CCL24: variants seen among roughly 807,000 people sequenced by gnomAD.
The protein encoded by CCL24 is C-C motif chemokine ligand 24.
In CCL24, 6 loss-of-function variants were observed where a neutral mutation model predicts 8.6. The ratio of observed to expected loss-of-function variants is 0.70; its 90% CI spans 0.38 to 1.38. CCL24 has a LOEUF of 1.38. CCL24 is among the 40% of genes most tolerant of loss of function. The probability of loss-of-function intolerance (pLI) is 0.02; values close to 1 mark genes in which losing one functional copy is unlikely to be tolerated. For missense variants in CCL24, 126 were observed against 147.1 expected (o/e 0.86, Z 0.74); for synonymous variants, 59 against 52.7 (o/e 1.12, Z -0.52).
chr7:75,811,768 A>G lies in CCL24; in HGVS notation c.*28T>C. 6.2e-7 allele frequency: 1 copy of G among 1,601,816 alleles called. No individual in the cohort carries two copies. Among genetic ancestry groups the G allele is most frequent in the Non-Finnish European group, 8.5e-7 (1 of 1,173,364 alleles). ...TAGCCCGCCAAGCAGCTCAGGCCCAAACTCAGGGCTGGAGGGCTGGGCGGG... is the reference window on the plus strand; with the variant it reads ...TAGCCCGCCAAGCAGCTCAGGCCCAGACTCAGGGCTGGAGGGCTGGGCGGG... On this transcript the variant is annotated 3_prime_UTR_variant, in exon 3 of 3. Transcript: ENST00000222902.
At chr7:75,822,157 C>G (rs959696515) in intron 1 of CCL24, among the ~76,000 whole-genome samples, 1 of 152,008 alleles carries the variant, frequency 6.6e-6, no homozygotes, top group African/African-American at 2.4e-5. Context: ...TCACCTGTCC[C>G]GACACTTTGT....
upstream of CCL24, among the ~76,000 whole-genome samples, chr7:75,818,619 A>G (rs1554534505): frequency 6.6e-6 from 1 of 151,088 alleles, no homozygotes; most frequent in African/African-American, 2.4e-5. Flanking sequence ...CTTTAAAAAA[A>G]AAAAAAAAAT....
In CCL24 at chr7:75,811,851, G is replaced by T. The variant is rs1056665833; in HGVS notation, c.305C>A (p.Ala102Glu). 4 of 1,613,056 alleles carry T rather than the reference G, an allele frequency of 2.5e-6. No individual in the cohort carries two copies. In the African/African-American group the frequency reaches 4.0e-5, roughly 16 times the overall value. The change falls in exon 3 of 3, where the codon GCA becomes GAA. Residue 102 changes from alanine (A) to glutamate (E), a missense_variant. Physicochemically the swap from Ala to Glu is moderately radical, Grantham distance 107 (BLOSUM62 -1). Coordinates refer to ENST00000222902, the MANE Select transcript of CCL24 (RefSeq NM_002991.3). ...CTGGACAGGGCCCTTGACAGCCACT[G>T]CCCTGGCCCTAGGGGAAGCCTTCTT... ...KQKKASPRAR[A>E]VAVKGPVQRY...
intron 2 of CCL24, 105 bp downstream of exon 2, chr7:75,813,201 C>G (rs1803811732): frequency 1.5e-6 from 1 of 665,886 alleles, no homozygotes; most frequent in South Asian, 1.7e-5. Flanking sequence ...GGTGACTTCT[C>G]CAGGGATGCA....
intron 1 of CCL24, among the ~76,000 whole-genome samples, chr7:75,820,777 A>T (rs1804030182): frequency 6.8e-6 from 1 of 147,868 alleles, no homozygotes; most frequent in Non-Finnish European, 1.5e-5. Flanking sequence ...CCATCCATTC[A>T]CCCACCCATC....
chr7:75,816,792 C>G (rs1156330008), upstream of CCL24, among the ~76,000 whole-genome samples: 3 of 150,586 alleles, frequency 2.0e-5, no homozygotes, highest in Non-Finnish European at 4.4e-5. Context: ...GAACTCCTGA[C>G]CTCAGGTAAT....
intron 1 of CCL24, among the ~76,000 whole-genome samples, chr7:75,819,268 CAAAAAAAAAAAAAAAAAAA>C (rs1177321755): frequency 2.4e-4 from 5 of 20,500 alleles, no homozygotes; most frequent in South Asian, 2.1e-3. Flanking sequence ...AACTCCGTCT[CAAAAAAAAAAAAAAAAAAA>C]AAAAAAAAAA....
chr7:75,822,552 G>A (rs1804071804), intron 1 of CCL24, among the ~76,000 whole-genome samples: 1 of 152,174 alleles, frequency 6.6e-6, no homozygotes, highest in Admixed American at 6.6e-5. Context: ...CTGAGGTTCA[G>A]GCTGGGCATG....
chr7:75,819,542 C>T (rs1244485116), intron 1 of CCL24, among the ~76,000 whole-genome samples: 3 of 150,476 alleles, frequency 2.0e-5, no homozygotes, highest in South Asian at 2.1e-4. Flanking sequence ...GCAGGAGGAT[C>T]GCTTGAACCC....
At chr7:75,819,977 GA>G (rs1261454258) in intron 1 of CCL24, among the ~76,000 whole-genome samples, 2 of 151,534 alleles carry the variant, frequency 1.3e-5, no homozygotes, top group Non-Finnish European at 2.9e-5. Flanking sequence ...TGTGATTCTA[GA>G]ATCCTAGAAA....
intron 1 of CCL24, among the ~76,000 whole-genome samples, chr7:75,820,330 C>A (rs1554534925): frequency 2.6e-5 from 4 of 151,944 alleles, no homozygotes; most frequent in Non-Finnish European, 5.9e-5. Context: ...AGGCGCACGC[C>A]ACCACACCCA....
upstream of CCL24, among the ~76,000 whole-genome samples, chr7:75,815,493 G>T (rs538650348): frequency 3.9e-5 from 6 of 151,944 alleles, no homozygotes; most frequent in African/African-American, 9.6e-5. Flanking sequence ...AAAATAAAAA[G>T]AAAACAAAAA....
upstream of CCL24, among the ~76,000 whole-genome samples, chr7:75,815,576 G>T (rs1296499630): frequency 3.3e-5 from 5 of 152,178 alleles, no homozygotes; most frequent in African/African-American, 9.6e-5. Context: ...GCTGCACTGA[G>T]GTTGGAGGAC....
At chr7:75,822,882 T>C (rs1361821282) in intron 1 of CCL24, among the ~76,000 whole-genome samples, 1 of 152,102 alleles carries the variant, frequency 6.6e-6, no homozygotes, top group Non-Finnish European at 1.5e-5. Flanking sequence ...AATGACTTGC[T>C]CAAGACTCCT....
chr7:75,814,665 C>T (rs1331236013), upstream of CCL24, among the ~76,000 whole-genome samples: 1 of 149,412 alleles, frequency 6.7e-6, no homozygotes, highest in Admixed American at 6.7e-5. Flanking sequence ...CTCTCGGTGG[C>T]CTTGAAGTCC....
chr7:75,817,905 A>G (rs1803926178), upstream of CCL24, among the ~76,000 whole-genome samples: 3 of 151,636 alleles, frequency 2.0e-5, no homozygotes. Flanking sequence ...ATCTTGGCTC[A>G]CTACAACCTC....
In CCL24 at chr7:75,811,529, C is replaced by T; in HGVS notation, c.*267G>A. 1 of 357,210 alleles carries T rather than the reference C, an allele frequency of 2.8e-6. No individual in the cohort carries two copies. Among genetic ancestry groups the T allele is most frequent in the Middle Eastern group, 7.7e-4 (1 of 1,292 alleles). 22.1% of individuals were successfully genotyped at this position (357,210 alleles called of 1,614,324 possible). On this transcript the variant is annotated 3_prime_UTR_variant, in exon 3 of 3. Transcript: ENST00000222902. ...TCAGAACCAGGTCAGGAGGAGAAGG[C>T]AAAGAGTTGCCACTGCTCTCCTTCT... is the stretch of plus-strand genomic sequence containing the variant.
Position 75,811,121 on chromosome 7 carries a change from C to T in CCL24, c.*675G>A, listed in dbSNP as rs1803746136. 6.6e-6 allele frequency among the ~76,000 whole-genome samples: 1 copy of T among 151,538 alleles called. No individual in the cohort carries two copies. Among genetic ancestry groups the T allele is most frequent in the Non-Finnish European group, 1.5e-5 (1 of 67,924 alleles). Reference sequence around the variant, plus strand: ...TTAAACTACCCAGGCTGGCCCTTCACCCCAGTCCTCCACGTTCATTTCCTT... The same window carrying T: ...TTAAACTACCCAGGCTGGCCCTTCATCCCAGTCCTCCACGTTCATTTCCTT... On this transcript the variant is annotated 3_prime_UTR_variant, in exon 3 of 3. Transcript: ENST00000222902.
chr7:75,818,910 C>T (rs908507750), intron 1 of CCL24, among the ~76,000 whole-genome samples: 2 of 151,782 alleles, frequency 1.3e-5, no homozygotes, highest in South Asian at 4.2e-4. Flanking sequence ...GTTATGGTCA[C>T]CCTCTTTAAT....
Sources: allele counts gnomAD v4.1 joint callset (sites outside exome capture counted in the v4.1 genomes callset), GRCh38; gene constraint gnomAD v4.1.1; transcripts MANE v1.5; gene names NCBI Gene and HGNC (gene_info 2026-07-23, HGNC 2026-07-21).